Variants in LRRC4C observed in about 807,000 individuals in gnomAD.
The protein encoded by LRRC4C is leucine rich repeat containing 4C.
In LRRC4C, 5 loss-of-function variants were observed where a neutral mutation model predicts 33.6. The ratio of observed to expected loss-of-function variants is 0.15; its 90% CI spans 0.08 to 0.31. The LOEUF (loss-of-function observed/expected upper bound fraction) is 0.31. Ranked by LOEUF, LRRC4C falls within the 10% of genes least tolerant of loss-of-function variation. The probability of loss-of-function intolerance (pLI) is 1.00; values close to 1 mark genes in which losing one functional copy is unlikely to be tolerated. For synonymous variants in LRRC4C, 329 were observed against 302.0 expected (o/e 1.09, Z -0.93); for missense variants, 560 against 796.7 (o/e 0.70, Z 3.58).
At chr11:40,760,797 A>G (rs886432264) in intron 2 of LRRC4C, among the ~76,000 whole-genome samples, 40 of 133,272 alleles carry the variant, frequency 3.0e-4, no homozygotes, top group African/African-American at 1.2e-3. Context: ...GTATATATAT[A>G]TATACACACA....
intron 1 of LRRC4C, among the ~76,000 whole-genome samples, chr11:41,043,247 G>C (rs892451177): frequency 7.2e-5 from 11 of 152,008 alleles, no homozygotes; most frequent in African/African-American, 2.7e-4. Flanking sequence ...GATAGGATGA[G>C]ACAGTCAAAT....
At chr11:41,168,451 A>T (rs1338685447) in intron 1 of LRRC4C, among the ~76,000 whole-genome samples, 1 of 152,166 alleles carries the variant, frequency 6.6e-6, no homozygotes, top group Non-Finnish European at 1.5e-5. Flanking sequence ...AACACAGGGG[A>T]TACCTACTTG....
chr11:41,432,124 G>A (rs1475766722), intron 1 of LRRC4C, among the ~76,000 whole-genome samples: 1 of 152,140 alleles, frequency 6.6e-6, no homozygotes, highest in East Asian at 1.9e-4. Context: ...CGAAAACAAA[G>A]GAGACAGTAG....
chr11:41,051,979 A>G lies in LRRC4C; in HGVS notation c.-495-118256T>C, dbSNP rs534249118. ...ACACTGCCAGATTTCTTGGGAACAGAGCAAATTGTGATACCTAAACCACTC... is the reference window on the plus strand; with the variant it reads ...ACACTGCCAGATTTCTTGGGAACAGGGCAAATTGTGATACCTAAACCACTC... On this transcript the variant is annotated intron_variant, in intron 1 of 6. Transcript: ENST00000528697. Among the ~76,000 whole-genome samples, 4 of 152,272 alleles carry G rather than the reference A, an allele frequency of 2.6e-5. No homozygotes were observed. The South Asian group carries it at 8.3e-4, about 32-fold the overall frequency.
intron 1 of LRRC4C, among the ~76,000 whole-genome samples, chr11:41,351,622 C>G (rs1231974796): frequency 6.6e-6 from 1 of 152,182 alleles, no homozygotes; most frequent in East Asian, 1.9e-4. Flanking sequence ...CAAAGGGAAC[C>G]CCATCAGGCT....
chr11:40,656,802 C>A (rs575227336), intron 2 of LRRC4C, among the ~76,000 whole-genome samples: 1 of 152,140 alleles, frequency 6.6e-6, no homozygotes, highest in Non-Finnish European at 1.5e-5. Context: ...GTTAAAATAT[C>A]CATATACCAC....
chr11:40,845,942 C>T (rs1166229109), intron 2 of LRRC4C, among the ~76,000 whole-genome samples: 1 of 151,114 alleles, frequency 6.6e-6, no homozygotes, highest in Non-Finnish European at 1.5e-5. Flanking sequence ...TGATGATGAG[C>T]TTTTTTTCAT....
Position 40,114,541 on chromosome 11 carries a change from G to A in LRRC4C, c.1752C>T (p.His584=). The change falls in exon 7 of 7, where the codon CAC becomes CAT. Residue 584 remains histidine (H), a synonymous_variant. Coordinates refer to ENST00000528697, the MANE Select transcript of LRRC4C (RefSeq NM_001258419.2). ...CATGCTCGATAGCAGGCATGGGCAG[G>A]TGGCTTTCCATGGGTGTGTCTCCCG... ...EITGDTPMES[H]LPMPAIEHEH... is the part of the protein sequence containing the mutation. 2 of 1,614,116 alleles carry A rather than the reference G, an allele frequency of 1.2e-6. No individual in the cohort carries two copies. The highest frequency in any genetic ancestry group is 1.1e-5 in the South Asian group (1 of 91,080).
chr11:40,466,982 C>G (rs959746891), intron 3 of LRRC4C, among the ~76,000 whole-genome samples: 15 of 152,038 alleles, frequency 9.9e-5, no homozygotes, highest in East Asian at 3.9e-4. Flanking sequence ...TTTGATGAAG[C>G]ATGCATGTTT....
chr11:41,373,630 T>C (rs1268463254), intron 1 of LRRC4C, among the ~76,000 whole-genome samples: 1 of 152,104 alleles, frequency 6.6e-6, no homozygotes, highest in Non-Finnish European at 1.5e-5. Flanking sequence ...AGGACTTGAA[T>C]CCAGGCATGC....
intron 1 of LRRC4C, among the ~76,000 whole-genome samples, chr11:41,268,909 G>A (rs1206543295): frequency 6.6e-6 from 1 of 151,826 alleles, no homozygotes; most frequent in African/African-American, 2.4e-5. Context: ...CAGCATAAAT[G>A]CACAAAATCT....
chr11:40,593,734 G>A (rs1184363409), intron 3 of LRRC4C, among the ~76,000 whole-genome samples: 1 of 152,252 alleles, frequency 6.6e-6, no homozygotes, highest in South Asian at 2.1e-4. Flanking sequence ...AAACTGCATA[G>A]GGATGAATTT....
intron 4 of LRRC4C, among the ~76,000 whole-genome samples, chr11:40,285,355 A>C (rs1943764048): frequency 6.6e-6 from 1 of 152,200 alleles, no homozygotes; most frequent in Non-Finnish European, 1.5e-5. Flanking sequence ...GAAGAGTTTC[A>C]GGAAACCAGA....
chr11:40,441,338 T>A (rs552715227), intron 3 of LRRC4C, among the ~76,000 whole-genome samples: 191 of 152,308 alleles, frequency 1.3e-3, no homozygotes, highest in African/African-American at 4.3e-3. Flanking sequence ...GGACATATAC[T>A]GCTGGAGATT....
intron 1 of LRRC4C, among the ~76,000 whole-genome samples, chr11:41,146,744 C>T (rs141652893): frequency 6.6e-6 from 1 of 152,290 alleles, no homozygotes; most frequent in African/African-American, 2.4e-5. Context: ...ATTAAGAGTG[C>T]TCTCTTCAGG....
At chr11:41,444,437 A>G (rs912988309) in intron 1 of LRRC4C, among the ~76,000 whole-genome samples, 1 of 152,224 alleles carries the variant, frequency 6.6e-6, no homozygotes, top group Non-Finnish European at 1.5e-5. Context: ...ATCATTTTAT[A>G]TAAGGAACGT....
chr11:41,285,965 G>T (rs1430829515), intron 1 of LRRC4C, among the ~76,000 whole-genome samples: 2 of 152,046 alleles, frequency 1.3e-5, no homozygotes, highest in Non-Finnish European at 2.9e-5. Context: ...GAGTAGCTGG[G>T]ACTACAGGCA....
chr11:41,117,472 T>C (rs1942194844), intron 1 of LRRC4C, among the ~76,000 whole-genome samples: 1 of 152,210 alleles, frequency 6.6e-6, no homozygotes, highest in Non-Finnish European at 1.5e-5. Flanking sequence ...TTCTGTAAAC[T>C]ATGATAGCAA....
chr11:40,806,015 C>G lies in LRRC4C; in HGVS notation c.-407+127620G>C, dbSNP rs369713282. Among the ~76,000 whole-genome samples the G allele has an allele frequency of 4.6e-5, 7 of 152,218 alleles. No individual in the cohort carries two copies. The South Asian group carries it at 6.2e-4, about 14-fold the overall frequency. On this transcript the variant is annotated intron_variant, in intron 2 of 6. Transcript: ENST00000528697. ...AGGAATTTAATTACTCCAAATGGCC[C>G]CTAATGTCCCACCCAGCTTCAGTAG...
Sources: gnomAD v4.1 joint callset for allele counts (sites outside exome capture counted in the v4.1 genomes callset) on GRCh38, gnomAD v4.1.1 for gene constraint, MANE v1.5 for transcripts, NCBI Gene and HGNC (gene_info 2026-07-23, HGNC 2026-07-21) for gene names.